The following TRERF1 variants were observed in gnomAD, a reference collection of about 807,000 sequenced individuals.
TRERF1 encodes transcriptional-regulating factor 1.
Under a neutral mutation model 122.9 loss-of-function variants are expected in TRERF1, and 27 were observed. That is an observed-to-expected ratio of 0.22 (90% CI 0.16 to 0.30). The LOEUF (loss-of-function observed/expected upper bound fraction) is 0.30. Ranked by LOEUF, TRERF1 falls within the 10% of genes least tolerant of loss-of-function variation. The probability of loss-of-function intolerance (pLI) is 1.00; values close to 1 mark genes in which losing one functional copy is unlikely to be tolerated. For missense variants in TRERF1, 1,248 were observed against 1,560.3 expected, an observed-to-expected ratio of 0.80 and a Z score of 3.37; for synonymous variants, 636 against 641.7, an observed-to-expected ratio of 0.99 and a Z score of 0.13.
At chr6:42,305,418 G>A (rs1020948824) in intron 3 of TRERF1, among the ~76,000 whole-genome samples, 4 of 152,148 alleles carry the variant, frequency 2.6e-5, no homozygotes, top group Admixed American at 2.0e-4. Context: ...GACAAATGCC[G>A]CCTCACAGGC....
chr6:42,252,649 T>A (rs1200987210), intron 13 of TRERF1, among the ~76,000 whole-genome samples: 3 of 152,146 alleles, frequency 2.0e-5, no homozygotes, highest in African/African-American at 4.8e-5. Context: ...CACTGACACC[T>A]GGGAAGCAAA....
At chr6:42,373,616 G>A (rs1268343889) in intron 2 of TRERF1, among the ~76,000 whole-genome samples, 3 of 152,098 alleles carry the variant, frequency 2.0e-5, no homozygotes, top group South Asian at 2.1e-4. Flanking sequence ...GCAGTGAGCC[G>A]AGATGGCGCC....
intron 4 of TRERF1, among the ~76,000 whole-genome samples, chr6:42,278,627 C>G (rs1013673141): frequency 1.3e-5 from 2 of 152,198 alleles, no homozygotes; most frequent in East Asian, 3.8e-4. Context: ...TCCCAACCCA[C>G]AGTTGATACC....
rs1158942821 is a variant in TRERF1 at position 42,232,378 on chromosome 6, G to T, written c.3278+303C>A. Among the ~76,000 whole-genome samples the T allele has an allele frequency of 6.6e-6, 1 of 152,152 alleles. No individual in the cohort carries two copies. The highest frequency in any genetic ancestry group is 1.5e-5 in the Non-Finnish European group (1 of 68,022). ...GAGTAATGCTAGTGAACATAGCTTG[G>T]GTGTGAAGGGAAGGAGTGGGAACCA... is the stretch of plus-strand genomic sequence containing the variant. On this transcript the variant is annotated intron_variant, in intron 17 of 17. Transcript: ENST00000372922. The surrounding 1 kb of genome is among the most constrained non-coding windows in gnomAD (Gnocchi z 4.5).
intron 3 of TRERF1, among the ~76,000 whole-genome samples, chr6:42,344,454 T>C (rs1439654343): frequency 6.6e-6 from 1 of 152,148 alleles, no homozygotes; most frequent in African/African-American, 2.4e-5. Context: ...CAAAACCGTG[T>C]AGCTAGTAAG....
chr6:42,429,841 GAAC>G (rs1006883189), intron 2 of TRERF1, among the ~76,000 whole-genome samples: 1 of 152,172 alleles, frequency 6.6e-6, no homozygotes, highest in African/African-American at 2.4e-5. Context: ...GGAAGAAAAG[GAAC>G]AACAGAGCAA....
chr6:42,374,818 G>A (rs1774519790), intron 2 of TRERF1, among the ~76,000 whole-genome samples: 1 of 151,738 alleles, frequency 6.6e-6, no homozygotes, highest in South Asian at 2.1e-4. Context: ...GGCCACTCTG[G>A]GCAACATGGT....
chr6:42,249,801 A>C (rs1775442549), intron 13 of TRERF1, among the ~76,000 whole-genome samples: 1 of 152,148 alleles, frequency 6.6e-6, no homozygotes, highest in Non-Finnish European at 1.5e-5. Flanking sequence ...CTGTGTGTGC[A>C]TGTGTTAGTG....
intron 4 of TRERF1, among the ~76,000 whole-genome samples, chr6:42,298,662 G>A (rs963033605): frequency 2.0e-5 from 3 of 151,148 alleles, no homozygotes; most frequent in African/African-American, 7.3e-5. Context: ...AAAATTGGTG[G>A]GGCACGGTGG....
At chr6:42,387,962 C>G (rs1217653049) in intron 2 of TRERF1, among the ~76,000 whole-genome samples, 1 of 152,154 alleles carries the variant, frequency 6.6e-6, no homozygotes, top group Admixed American at 6.5e-5. Flanking sequence ...TACATGCCAC[C>G]ACGCTTGGCT....
intron 2 of TRERF1, among the ~76,000 whole-genome samples, chr6:42,387,749 C>T (rs1215398480): frequency 6.6e-6 from 1 of 152,064 alleles, no homozygotes; most frequent in South Asian, 2.1e-4. Flanking sequence ...TTCGGGGCCA[C>T]ATTTCCCACA....
chr6:42,326,146 C>A (rs1296962320), intron 3 of TRERF1, among the ~76,000 whole-genome samples: 1 of 151,924 alleles, frequency 6.6e-6, no homozygotes, highest in Non-Finnish European at 1.5e-5. Context: ...CAAACCTGCA[C>A]ATGTACTCTC....
chr6:42,315,832 A>G (rs1461482968), intron 3 of TRERF1, among the ~76,000 whole-genome samples: 1 of 151,968 alleles, frequency 6.6e-6, no homozygotes, highest in Non-Finnish European at 1.5e-5. Context: ...CTCAAGGCTC[A>G]AGAAGGACAT....
At chr6:42,372,977 C>T (rs963982977) in intron 2 of TRERF1, among the ~76,000 whole-genome samples, 2 of 152,218 alleles carry the variant, frequency 1.3e-5, no homozygotes, top group African/African-American at 4.8e-5. Context: ...GGGTAGCTTG[C>T]TAACCTCTCT....
At chr6:42,404,921 A>G (rs977923099) in intron 2 of TRERF1, among the ~76,000 whole-genome samples, 2 of 152,126 alleles carry the variant, frequency 1.3e-5, no homozygotes, top group Admixed American at 6.5e-5. Flanking sequence ...AGGGTCACTA[A>G]AAGTTTTACA....
chr6:42,241,119 C>G (rs903110800), intron 15 of TRERF1, among the ~76,000 whole-genome samples: 1 of 152,084 alleles, frequency 6.6e-6, no homozygotes, highest in Admixed American at 6.5e-5. Context: ...CTCCTGACCT[C>G]GTGATCCACC....
At chr6:42,248,825 G>A (rs1037921658) in intron 13 of TRERF1, among the ~76,000 whole-genome samples, 6 of 152,102 alleles carry the variant, frequency 3.9e-5, no homozygotes, top group African/African-American at 1.2e-4. Context: ...GAGTGCATGT[G>A]AGCACAGGGG....
chr6:42,343,918 T>C (rs905247694), intron 3 of TRERF1, among the ~76,000 whole-genome samples: 1 of 152,182 alleles, frequency 6.6e-6, no homozygotes, highest in Non-Finnish European at 1.5e-5. Flanking sequence ...ACTGACCGCG[T>C]GGGGAGGCCA....
intron 2 of TRERF1, among the ~76,000 whole-genome samples, chr6:42,447,411 C>G (rs1186743523): frequency 6.6e-6 from 1 of 152,220 alleles, no homozygotes; most frequent in African/African-American, 2.4e-5. Flanking sequence ...GCAACGCACG[C>G]CAGTAACTGG....
Sources: gnomAD v4.1 joint callset for allele counts (sites outside exome capture counted in the v4.1 genomes callset) on GRCh38, gnomAD v4.1.1 for gene constraint, Gnocchi (gnomAD v3.1) non-coding constraint, MANE v1.5 for transcripts, NCBI Gene and HGNC (gene_info 2026-07-23, HGNC 2026-07-21) for gene names.